SYNJ2: variants seen among roughly 807,000 people sequenced by gnomAD.
SYNJ2 encodes synaptojanin 2, also known as polyphosphatidylinositol phosphatase SYNJ2.
Under a neutral mutation model 141.3 loss-of-function variants are expected in SYNJ2, and 116 were observed. The ratio of observed to expected loss-of-function variants is 0.82; its 90% confidence interval spans 0.71 to 0.96. The LOEUF is 0.96. SYNJ2 is among the 40% of genes least tolerant of loss of function. SYNJ2 has a pLI of 0.00. For missense variants in SYNJ2, 1,873 were observed against 1,934.8 expected (o/e 0.97, Z 0.60); for synonymous variants, 745 against 777.7 (o/e 0.96, Z 0.70).
chr6:158,086,745 G>A (rs2128394979), intron 22 of SYNJ2, 110 bp from the exon 23 acceptor site: 1 of 1,247,360 alleles, frequency 8.0e-7, no homozygotes, highest in Admixed American at 2.1e-5. Context: ...GCCTTCAGCT[G>A]TCCTACAGCA....
chr6:158,009,825 C>A (rs1433909608), intron 1 of SYNJ2, among the ~76,000 whole-genome samples: 1 of 152,242 alleles, frequency 6.6e-6, no homozygotes, highest in Non-Finnish European at 1.5e-5. Context: ...GGAAACACTG[C>A]AGCCTGGCAC....
intron 5 of SYNJ2, among the ~76,000 whole-genome samples, chr6:158,048,269 A>G (rs1005286216): frequency 2.0e-5 from 3 of 152,164 alleles, no homozygotes; most frequent in Non-Finnish European, 4.4e-5. Flanking sequence ...CCAAGGGTCC[A>G]GACTGGGGAG....
At position 158,068,706 on chromosome 6, in the gene SYNJ2, G is replaced by A. The variant is rs745840620; in HGVS notation, c.1777G>A (p.Ala593Thr). 24 of 1,614,092 alleles carry A rather than the reference G, an allele frequency of 1.5e-5. No individual in the cohort carries two copies. The highest frequency in any genetic ancestry group is 1.7e-5 in the Non-Finnish European group (20 of 1,180,038). The change falls in exon 13 of 27, where the codon GCA (alanine) becomes ACA (threonine). Residue 593 changes from alanine (A) to threonine (T), a missense_variant. Physicochemically the swap from Ala to Thr is moderately conservative, Grantham distance 58. Transcript: ENST00000355585. ...GTTTGAAGAGATGGTGGAATTGAGC[G>A]CAGGGAATATTGTCAATGCCAGGTA... is the stretch of plus-strand genomic sequence containing the variant. ...VGFEEMVELS[A>T]GNIVNASTTN...
At position 158,028,916 on chromosome 6, in the gene SYNJ2, C is replaced by T. The variant is rs748872213; in HGVS notation, c.375C>T (p.Ser125=). ...ERLIALKKIL[S]SGVFYFSWPN... Reference sequence around the variant, plus strand: ...TCATAGCTTTGAAGAAAATCCTCAGCTCGGGGGTGTTCTATTTCTCATGGC... The same window carrying T: ...TCATAGCTTTGAAGAAAATCCTCAGTTCGGGGGTGTTCTATTTCTCATGGC... Residue 125 remains serine, a synonymous_variant, in exon 3 of 27, where the codon AGC becomes AGT. Transcript: ENST00000355585. 2 of 1,614,184 alleles carry T rather than the reference C, an allele frequency of 1.2e-6. No individual in the cohort carries two copies. Among genetic ancestry groups the T allele is most frequent in the East Asian group, 4.5e-5 (2 of 44,880 alleles).
Position 158,043,627 on chromosome 6 carries a change from C to T in SYNJ2, c.795+228C>T, listed in dbSNP as rs542664290. 4.7e-4 allele frequency among the ~76,000 whole-genome samples: 72 copies of T among 152,312 alleles called. No individual in the cohort carries two copies. The highest frequency in any genetic ancestry group is 2.3e-3 in the South Asian group (11 of 4,822). ...CAGACACCACTTTGTTGTTTCTGGT[C>T]GTCAAGGATGCTGTGTGAAACCGCT... On this transcript the variant is annotated intron_variant, in intron 5 of 26. Transcript: ENST00000355585. This position sits in a 1 kb window ranked among gnomAD's most constrained non-coding sequence, Gnocchi z 4.0.
intron 1 of SYNJ2, chr6:158,016,934 C>T (rs1249976785): frequency 3.9e-5 from 44 of 1,115,724 alleles, no homozygotes; most frequent in Middle Eastern, 3.7e-4. Flanking sequence ...CCCAGCTGGA[C>T]GCCAGAACCC....
At chr6:158,017,013 G>C (rs1778488043) in intron 1 of SYNJ2, 191 bp from the exon 2 acceptor site, 1 of 1,289,346 alleles carries the variant, frequency 7.8e-7, no homozygotes, top group East Asian at 3.1e-5. Flanking sequence ...TTGGTGGGAA[G>C]GTCTGAATCC....
In SYNJ2 at chr6:158,066,469, GA is replaced by G. The variant is rs763781696; in HGVS notation, c.1552del (p.Thr518LeufsTer22). ...LVTPRILKAM[T>X]ERQSEFTNFK... ...TGACTCCCAGGATCCTGAAAGCTAT[GA>G]CTGAGCGTCAGTCCGAATTCACAAA... On this transcript the variant is annotated frameshift_variant, in exon 12 of 27. Coordinates refer to ENST00000355585, the MANE Select transcript of SYNJ2 (RefSeq NM_003898.4). LOFTEE classifies it high-confidence loss of function. The G allele has an allele frequency of 2.5e-6, 4 of 1,614,146 alleles. No individual in the cohort carries two copies.
intron 3 of SYNJ2, among the ~76,000 whole-genome samples, chr6:158,032,651 C>T (rs1779428411): frequency 6.6e-6 from 1 of 152,210 alleles, no homozygotes; most frequent in Admixed American, 6.5e-5. Context: ...ATTAGACAAG[C>T]ACTTCACTTC....
In SYNJ2 at chr6:158,096,290, G is replaced by C; in HGVS notation, c.4417G>C (p.Gly1473Arg). ...LPPDHEHKTL[G>R]HWVTISDQEK... ...ACCAGATCATGAACACAAAACCTTA[G>C]GTCACTGGGTGACAATCAGTGACCA... Residue 1473 changes from glycine (G) to arginine (R), a missense_variant, in exon 27 of 27, where the codon GGT becomes CGT. Transcript: ENST00000355585. 3 of 1,614,048 alleles carry C rather than the reference G, an allele frequency of 1.9e-6. No individual in the cohort carries two copies. The highest frequency in any genetic ancestry group is 2.5e-6 in the Non-Finnish European group (3 of 1,180,024).
chr6:158,054,730 T>C (rs1780771426), intron 5 of SYNJ2, among the ~76,000 whole-genome samples: 1 of 152,228 alleles, frequency 6.6e-6, no homozygotes, highest in Admixed American at 6.5e-5. Flanking sequence ...CATGGTCATG[T>C]TGCAGTTAGG....
Position 158,098,739 on chromosome 6 carries a change from G to A in SYNJ2, c.*2375G>A, listed in dbSNP as rs1783912338. ...ATCCAGGGCTTCTTATTGTGACCTTGTAGCCTATTTTGTTCCTGCTGTTCT... is the reference window on the plus strand; with the variant it reads ...ATCCAGGGCTTCTTATTGTGACCTTATAGCCTATTTTGTTCCTGCTGTTCT... On this transcript the variant is annotated 3_prime_UTR_variant, in exon 27 of 27. Coordinates refer to ENST00000355585, the MANE Select transcript of SYNJ2 (RefSeq NM_003898.4). The A allele has an allele frequency of 6.6e-6, 1 of 152,102 alleles. No individual in the cohort carries two copies. The highest frequency in any genetic ancestry group is 1.5e-5 in the Non-Finnish European group (1 of 68,012). 9.4% of individuals were successfully genotyped at this position (152,102 alleles called of 1,614,324 possible).
intron 2 of SYNJ2, among the ~76,000 whole-genome samples, chr6:158,018,484 G>A (rs753767200): frequency 6.6e-6 from 1 of 152,206 alleles, no homozygotes; most frequent in Non-Finnish European, 1.5e-5. Context: ...GCTCACAGCA[G>A]CTGTTTTCAG....
chr6:157,999,111 A>C (rs1214536725), intron 1 of SYNJ2, among the ~76,000 whole-genome samples: 1 of 152,264 alleles, frequency 6.6e-6, no homozygotes, highest in Non-Finnish European at 1.5e-5. Context: ...AGGAAGGACA[A>C]ATAGTTCAAC....
chr6:158,016,989 C>G (rs1371008698), intron 1 of SYNJ2: 4 of 1,254,260 alleles, frequency 3.2e-6, no homozygotes, highest in Middle Eastern at 6.1e-4. Flanking sequence ...TCAGCACTTC[C>G]AGAGAGCAAG....
Position 158,092,452 on chromosome 6 carries a change from G to C in SYNJ2, c.3566-474G>C, listed in dbSNP as rs181606561. ...ATCCAGGAGTTCGAGACAAGTCTGG[G>C]CAACACAATGAGACCCTCTCTCTAC... On this transcript the variant is annotated intron_variant, in intron 25 of 26. Coordinates refer to ENST00000355585, the MANE Select transcript of SYNJ2 (RefSeq NM_003898.4). Among the ~76,000 whole-genome samples, 14 of 152,290 alleles carry C rather than the reference G, an allele frequency of 9.2e-5. 1 individual carries two copies. Among genetic ancestry groups the C allele is most frequent in the Admixed American group, 7.8e-4 (12 of 15,300 alleles).
chr6:158,028,620 A>T lies in SYNJ2; in HGVS notation c.215-136A>T, dbSNP rs58505024. On this transcript the variant is annotated intron_variant, in intron 2 of 26. Coordinates refer to ENST00000355585, the MANE Select transcript of SYNJ2 (RefSeq NM_003898.4). ...GGTTCTTGAGCCATTGAGTTGGGCA[A>T]TGCCATGGGAAGTTGCAGGTGCACA... The T allele has an allele frequency of 4.0e-3, 4,744 of 1,175,658 alleles. 127 individuals are homozygous for T. The African/African-American group carries it at 0.064, about 16-fold the overall frequency. The allele number at this position is 1,175,658 out of a possible 1,614,324, so 72.8% of individuals were successfully genotyped here.
intron 5 of SYNJ2, among the ~76,000 whole-genome samples, chr6:158,045,211 C>G (rs934977706): frequency 6.6e-6 from 1 of 151,300 alleles, no homozygotes; most frequent in African/African-American, 2.4e-5. Flanking sequence ...GAGTTCAAGC[C>G]GTTCCCCTGC....
At chr6:158,039,284 G>T (rs1227829052) in intron 4 of SYNJ2, among the ~76,000 whole-genome samples, 4 of 152,242 alleles carry the variant, frequency 2.6e-5, no homozygotes, top group Non-Finnish European at 4.4e-5. Context: ...CCTGCGAAGC[G>T]GCAGCCCCGC....
Sources: gnomAD v4.1 joint callset for allele counts (sites outside exome capture counted in the v4.1 genomes callset) on GRCh38, gnomAD v4.1.1 for gene constraint, Gnocchi (gnomAD v3.1) non-coding constraint, MANE v1.5 for transcripts, NCBI Gene and HGNC (gene_info 2026-07-23, HGNC 2026-07-21) for gene names.